Variants in CACNA2D1 observed in about 807,000 individuals in gnomAD.
CACNA2D1 encodes voltage-dependent calcium channel subunit alpha-2/delta-1.
CACNA2D1 carries 53 observed loss-of-function variants against 171.5 expected under a neutral mutation model. The ratio of observed to expected loss-of-function variants is 0.31; its 90% CI spans 0.25 to 0.39. The LOEUF (loss-of-function observed/expected upper bound fraction) is 0.39. Among genes scored for constraint, CACNA2D1 ranks in the 10% least tolerant of loss-of-function variants. The probability of loss-of-function intolerance (pLI) is 1.00; values close to 1 mark genes in which losing one functional copy is unlikely to be tolerated. For missense variants in CACNA2D1, 903 were observed against 1,299.8 expected, an observed-to-expected ratio of 0.69 and a Z score of 4.69; for synonymous variants, 442 against 443.1, an observed-to-expected ratio of 1.00 and a Z score of 0.03.
At chr7:82,380,568 G>C (rs1823582997) in intron 1 of CACNA2D1, among the ~76,000 whole-genome samples, 2 of 151,808 alleles carry the variant, frequency 1.3e-5, no homozygotes, top group African/African-American at 4.8e-5. Context: ...TAAGCATTTT[G>C]ACTAATTTCA....
chr7:81,973,909 T>G (rs1584246618), intron 25 of CACNA2D1, among the ~76,000 whole-genome samples: 2 of 152,084 alleles, frequency 1.3e-5, no homozygotes, highest in Admixed American at 1.3e-4. Context: ...TTCTGTTGTC[T>G]ATTTTAATTT....
intron 23 of CACNA2D1, 42 bp downstream of exon 23, chr7:81,983,272 T>C (rs776343415): frequency 6.5e-7 from 1 of 1,528,164 alleles, no homozygotes; most frequent in South Asian, 1.1e-5. Flanking sequence ...AAATGTCAAG[T>C]GTACTAAACA....
At position 82,125,904 on chromosome 7, in the gene CACNA2D1, C is replaced by T. The variant is rs371393287; in HGVS notation, c.397-8731G>A. 2.2e-4 allele frequency among the ~76,000 whole-genome samples: 33 copies of T among 152,176 alleles called. 1 individual carries two copies. The East Asian group carries it at 5.4e-3, about 25-fold the overall frequency. Reference sequence around the variant, plus strand: ...AAATGAAAAATATCTCAATATAATGCCCTTTCATTATTAACACATTCAGAT... The same window carrying T: ...AAATGAAAAATATCTCAATATAATGTCCTTTCATTATTAACACATTCAGAT... On this transcript the variant is annotated intron_variant, in intron 5 of 38. Transcript: ENST00000356860.
intron 1 of CACNA2D1, among the ~76,000 whole-genome samples, chr7:82,410,225 A>T (rs1036709493): frequency 6.6e-6 from 1 of 152,196 alleles, no homozygotes; most frequent in East Asian, 1.9e-4. Context: ...GCAGAATTTT[A>T]GTAGAAAAAA....
chr7:81,974,629 A>ATT (rs61006565), intron 24 of CACNA2D1, 77 bp from the exon 25 acceptor site: 29 of 579,554 alleles, frequency 5.0e-5, no homozygotes, highest in East Asian at 1.4e-4. Context: ...TGAAAACACT[A>ATT]TTTTTTTTTT....
rs1163143917 is a variant in CACNA2D1, at chr7:81,997,208, C to A, written c.1633G>T (p.Ala545Ser). 5.6e-6 allele frequency: 9 copies of A among 1,607,332 alleles called. No individual in the cohort carries two copies. The highest frequency in any genetic ancestry group is 7.7e-6 in the Non-Finnish European group (9 of 1,174,152). ...ACTTTAATATCATTCTCTAACTCTG[C>A]ATCAAGGAAATCCAATGTTACTGGC... Reference protein sequence around the residue: ...QEPVTLDFLDAELENDIKVEI... With the variant: ...QEPVTLDFLDSELENDIKVEI... Residue 545 changes from alanine (A) to serine (S), a missense_variant, in exon 19 of 39, where the codon GCA (alanine) becomes TCA (serine). Around this residue, in one of 5 missense-constraint regions of CACNA2D1, gnomAD observed 623 missense variants for 925.5 expected, o/e 0.67. Coordinates refer to ENST00000356860, the MANE Select transcript of CACNA2D1 (RefSeq NM_000722.4).
intron 32 of CACNA2D1, among the ~76,000 whole-genome samples, 159 bp from the exon 33 acceptor site, chr7:81,964,518 T>A (rs1319291491): frequency 6.6e-6 from 1 of 151,944 alleles, no homozygotes; most frequent in East Asian, 1.9e-4. Flanking sequence ...TATATGACAC[T>A]GTGAACAAAC....
intron 4 of CACNA2D1, among the ~76,000 whole-genome samples, chr7:82,147,877 G>T (rs111921554): frequency 8.7e-4 from 133 of 152,190 alleles, no homozygotes; most frequent in African/African-American, 3.0e-3. Context: ...GGCTTATAGG[G>T]ATATGTAGGA....
chr7:82,266,186 T>C (rs1014543554), intron 3 of CACNA2D1, among the ~76,000 whole-genome samples: 2 of 152,204 alleles, frequency 1.3e-5, no homozygotes, highest in Non-Finnish European at 2.9e-5. Context: ...TGTCTGGCTT[T>C]TAGACAATAA....
At chr7:82,315,363 T>C (rs561184681) in intron 3 of CACNA2D1, among the ~76,000 whole-genome samples, 2 of 152,064 alleles carry the variant, frequency 1.3e-5, no homozygotes, top group East Asian at 3.9e-4. Context: ...CAAATGATCA[T>C]GTACAAAGAT....
At chr7:82,368,548 T>C (rs754376308) in intron 1 of CACNA2D1, among the ~76,000 whole-genome samples, 22 of 152,224 alleles carry the variant, frequency 1.4e-4, no homozygotes, top group Non-Finnish European at 1.9e-4. Context: ...TTTTTGAGAC[T>C]ATTAGTTCCA....
intron 1 of CACNA2D1, among the ~76,000 whole-genome samples, chr7:82,360,356 C>T (rs532559213): frequency 1.1e-3 from 163 of 152,226 alleles, no homozygotes; most frequent in African/African-American, 3.9e-3. Context: ...TAGGTTCTTC[C>T]TTAAGACATC....
intron 1 of CACNA2D1, among the ~76,000 whole-genome samples, chr7:82,395,128 T>C (rs953518905): frequency 2.0e-5 from 3 of 151,996 alleles, no homozygotes; most frequent in Admixed American, 2.0e-4. Flanking sequence ...GCAGATCTTT[T>C]CAAAAAAATG....
chr7:81,987,433 T>A (rs2130701403), intron 21 of CACNA2D1, among the ~76,000 whole-genome samples: 1 of 152,222 alleles, frequency 6.6e-6, no homozygotes, highest in African/African-American at 2.4e-5. Context: ...TTAACTGAGT[T>A]AAGTGGACTA....
At chr7:82,355,777 C>A (rs1217283412) in intron 1 of CACNA2D1, among the ~76,000 whole-genome samples, 2 of 151,922 alleles carry the variant, frequency 1.3e-5, no homozygotes, top group Non-Finnish European at 2.9e-5. Flanking sequence ...ACCTGCCATT[C>A]TCCTTCCTTA....
intron 38 of CACNA2D1, 31 bp downstream of exon 38, chr7:81,959,244 G>A (rs1450011254): frequency 2.8e-6 from 4 of 1,428,258 alleles, no homozygotes; most frequent in Admixed American, 1.7e-5. Context: ...TTAATTTATA[G>A]TATTTTAATC....
At chr7:82,325,439 A>G (rs917176868) in intron 3 of CACNA2D1, among the ~76,000 whole-genome samples, 1 of 152,104 alleles carries the variant, frequency 6.6e-6, no homozygotes, top group African/African-American at 2.4e-5. Flanking sequence ...TAATGGTACT[A>G]TGAGAGCCCA....
intron 4 of CACNA2D1, among the ~76,000 whole-genome samples, chr7:82,161,686 T>A (rs1032121681): frequency 6.6e-6 from 1 of 151,962 alleles, no homozygotes; most frequent in South Asian, 2.1e-4. Flanking sequence ...AGAAAAGTAA[T>A]AGAAATAATA....
chr7:82,005,942 C>T (rs372984471), intron 16 of CACNA2D1, 103 bp from the exon 17 acceptor site: 40 of 767,370 alleles, frequency 5.2e-5, no homozygotes, highest in African/African-American at 4.8e-4. Context: ...TTATATTCCA[C>T]ATTAGTTTAA....
Sources: allele counts gnomAD v4.1 joint callset (sites outside exome capture counted in the v4.1 genomes callset), GRCh38; gene constraint gnomAD v4.1.1; regional missense constraint gnomAD v4.1.1; transcripts MANE v1.5; gene names NCBI Gene and HGNC (gene_info 2026-07-23, HGNC 2026-07-21).